Variants in DGKH observed in about 807,000 individuals in gnomAD.
DGKH encodes DAG kinase eta.
A neutral mutation model predicts 159.3 loss-of-function variants in DGKH; 90 were observed. The observed-to-expected ratio is 0.57, with a 90% CI of 0.48 to 0.67. DGKH has a LOEUF of 0.67. Ranked by LOEUF, DGKH falls within the 30% of genes least tolerant of loss-of-function variation. The pLI is 0.00. For missense variants in DGKH, 1,181 were observed against 1,506.1 expected (o/e 0.78, Z 3.57); for synonymous variants, 536 against 553.8 (o/e 0.97, Z 0.45).
intron 5 of DGKH, 99 bp downstream of exon 5, chr13:42,155,898 A>C: frequency 7.2e-7 from 1 of 1,397,044 alleles, no homozygotes; most frequent in African/African-American, 1.4e-5. Flanking sequence ...CTCTCCACAC[A>C]TAGGACTAGC....
Position 42,209,481 on chromosome 13 carries a change from A to G in DGKH, c.2850+16A>G, listed in dbSNP as rs974080121. On this transcript the variant is annotated intron_variant, in intron 23 of 29. Coordinates refer to ENST00000337343, the MANE Select transcript of DGKH (RefSeq NM_178009.5). ...AAGGGACAGAGTATGTAACAAAAAC[A>G]TTCTTCTAGAATATTGTCAGGTTTT... is the stretch of plus-strand genomic sequence containing the variant. 6.4e-7 allele frequency: 1 copy of G among 1,570,306 alleles called. No homozygotes were observed. The highest frequency in any genetic ancestry group is 8.6e-7 in the Non-Finnish European group (1 of 1,162,650).
chr13:42,207,715 A>ATATATATATATATATC (rs1429229353), intron 21 of DGKH, among the ~76,000 whole-genome samples: 17 of 147,752 alleles, frequency 1.2e-4, no homozygotes, highest in African/African-American at 2.5e-4. Context: ...ATATATATAT[A>ATATATATATATATATC]TCAGTAAAAA....
chr13:42,090,620 C>T (rs754374080), intron 1 of DGKH, among the ~76,000 whole-genome samples: 16 of 152,104 alleles, frequency 1.1e-4, no homozygotes, highest in Non-Finnish European at 2.2e-4. Context: ...TTTTCCATGA[C>T]GATGCTAAGA....
chr13:42,198,640 T>G (rs763231703), intron 18 of DGKH, 45 bp downstream of exon 18: 7 of 927,070 alleles, frequency 7.6e-6, no homozygotes, highest in African/African-American at 4.8e-5. Flanking sequence ...TTTTTCTTGT[T>G]TTTTTTTTTT....
chr13:42,112,405 C>G (rs1314054873), intron 1 of DGKH, among the ~76,000 whole-genome samples: 1 of 151,874 alleles, frequency 6.6e-6, no homozygotes, highest in Non-Finnish European at 1.5e-5. Context: ...CCTTGGCCTC[C>G]TGAGTAGGTG....
In DGKH at chr13:42,151,515, GTATATATATACACGTGTATA is replaced by G. The variant is rs1337485666; in HGVS notation, c.385-3752_385-3733del. 5.8e-3 allele frequency among the ~76,000 whole-genome samples: 589 copies of G among 100,938 alleles called. 8 individuals are homozygous for G. Among genetic ancestry groups the G allele is most frequent in the African/African-American group, 0.021 (482 of 23,486 alleles). 66.2% of individuals were successfully genotyped at this position (100,938 alleles called of 152,430 possible). A position where few individuals can be genotyped will look rare whatever the true frequency, so the allele number is the denominator to read the frequency against. ...TGTGTGTGTGTGTGTGTATACACAT[GTATATATATACACGTGTATA>G]TATATATATACACGTGTATATATGT... is the stretch of plus-strand genomic sequence containing the variant. On this transcript the variant is annotated intron_variant, in intron 3 of 29. Transcript: ENST00000337343.
chr13:42,256,479 C>A, exon 31 of DGKH: 2 of 1,255,624 alleles, frequency 1.6e-6, no homozygotes, highest in Non-Finnish European at 2.3e-6. Context: ...GGCTATCTCA[C>A]ACCAGAACAG....
upstream of DGKH, chr13:42,044,396 T>C (rs1415942408): frequency 6.6e-6 from 1 of 152,086 alleles, no homozygotes. Context: ...CCTCCTGGAT[T>C]CTCCTGCCTC....
Position 42,155,152 on chromosome 13 carries a change from T to A in DGKH, c.385-139T>A, listed in dbSNP as rs1006862427. On this transcript the variant is annotated intron_variant, in intron 3 of 29. Transcript: ENST00000337343. ...TAGGCTTTTTCTTTCCTAGACCACA[T>A]TATTTTATCATACAGATTACAAAAA... 8 of 680,452 alleles carry A rather than the reference T, an allele frequency of 1.2e-5. No homozygotes were observed. The African/African-American group carries it at 1.5e-4, about 13-fold the overall frequency. 42.2% of individuals were successfully genotyped at this position (680,452 alleles called of 1,614,324 possible).
chr13:42,044,375 T>G (rs1489397592), upstream of DGKH: 1 of 152,054 alleles, frequency 6.6e-6, no homozygotes, highest in East Asian at 1.9e-4. Context: ...CTTGGCTCAC[T>G]GCAACCTCCG....
chr13:42,198,710 A>C, intron 18 of DGKH, 115 bp downstream of exon 18: 2 of 962,808 alleles, frequency 2.1e-6, no homozygotes, highest in South Asian at 2.9e-5. Flanking sequence ...ATGTAAAAAA[A>C]GGATGATCAG....
intron 21 of DGKH, among the ~76,000 whole-genome samples, chr13:42,207,382 G>T (rs1957533220): frequency 6.6e-6 from 1 of 151,100 alleles, no homozygotes; most frequent in Non-Finnish European, 1.5e-5. Flanking sequence ...TAGAGACGGG[G>T]GTTTCACCAT....
At chr13:42,153,075 T>C (rs1287925776) in intron 3 of DGKH, among the ~76,000 whole-genome samples, 2 of 152,228 alleles carry the variant, frequency 1.3e-5, no homozygotes, top group Admixed American at 1.3e-4. Flanking sequence ...GTAACTGTAT[T>C]AAGTGTGTTA....
At chr13:42,217,442 T>A (rs908540324) in intron 26 of DGKH, among the ~76,000 whole-genome samples, 5 of 151,892 alleles carry the variant, frequency 3.3e-5, no homozygotes, top group African/African-American at 1.2e-4. Flanking sequence ...AGAATTTCAC[T>A]ATGTTGGCCA....
chr13:42,228,703 TAAAGAAAG>T lies in DGKH; in HGVS notation c.3574-384_3574-377del, dbSNP rs66491429. 3.9e-3 allele frequency among the ~76,000 whole-genome samples: 592 copies of T among 150,278 alleles called. 8 individuals carry two copies. The East Asian group carries it at 0.049, about 12-fold the overall frequency. On this transcript the variant is annotated intron_variant, in intron 29 of 29. Transcript: ENST00000337343. ...AGAAAAGAAAGAGAGAGAGATGAAATAAAGAAAGAAAGAAAGAAAAGAAAGAAAGAGAA... is the reference window on the plus strand; with the variant it reads ...AGAAAAGAAAGAGAGAGAGATGAAATAAAGAAAGAAAAGAAAGAAAGAGAA...
In DGKH at chr13:42,229,284, A is replaced by C; in HGVS notation, c.*96A>C. 1 of 1,072,702 alleles carries C rather than the reference A, an allele frequency of 9.3e-7. No homozygotes were observed. Among genetic ancestry groups the C allele is most frequent in the Non-Finnish European group, 1.4e-6 (1 of 735,778 alleles). 66.4% of individuals were successfully genotyped at this position (1,072,702 alleles called of 1,614,324 possible). ...GTTCTTGTAGTTTTCTGCATAGATA[A>C]GTAAGCACCACTGAAGCACCTCTGT... On this transcript the variant is annotated 3_prime_UTR_variant, in exon 30 of 30. Transcript: ENST00000337343.
rs542779524 is a variant in DGKH at position 42,042,776 on chromosome 13, TA to T, written c.-13+2651del. Among the ~76,000 whole-genome samples the T allele has an allele frequency of 2.9e-4, 44 of 152,344 alleles. No individual in the cohort carries two copies. In the East Asian group the frequency reaches 7.7e-3, roughly 27 times the overall value. On this transcript the variant is annotated intron_variant, in intron 1 of 29. Coordinates refer to the DGKH transcript ENST00000379274. The stretch of plus-strand genomic sequence containing the variant: ...AAAAAATACATTCAGAGATCATGGC[TA>T]TGTGGCATAAAATAATACTTTTTAC...
At chr13:42,044,659 C>G (rs1880705115), upstream of DGKH, among the ~76,000 whole-genome samples, 1 of 152,158 alleles carries the variant, frequency 6.6e-6, no homozygotes, top group East Asian at 1.9e-4. Context: ...GGGAGATGAA[C>G]TGAAGTTAGT....
intron 1 of DGKH, among the ~76,000 whole-genome samples, chr13:42,073,571 G>A (rs1328672398): frequency 3.3e-5 from 5 of 152,186 alleles, no homozygotes; most frequent in African/African-American, 1.2e-4. Context: ...TTGTCCAACT[G>A]TAGACAAAAT....
Sources: gnomAD v4.1 joint callset for allele counts (sites outside exome capture counted in the v4.1 genomes callset) on GRCh38, gnomAD v4.1.1 for gene constraint, MANE v1.5 for transcripts, NCBI Gene and HGNC (gene_info 2026-07-23, HGNC 2026-07-21) for gene names.